Variants in OR4D1 observed in about 807,000 individuals in gnomAD.
OR4D1 encodes the protein olfactory receptor family 4 subfamily D member 1.
OR4D1 carries 10 observed loss-of-function variants against 14.2 expected under a neutral mutation model. The ratio of observed to expected loss-of-function variants is 0.71; its 90% CI spans 0.44 to 1.20. OR4D1 has a LOEUF of 1.20. OR4D1 is among the 50% of genes most tolerant of loss of function. OR4D1 has a pLI of 0.00. For synonymous variants in OR4D1, 141 were observed against 147.4 expected (o/e 0.96, Z 0.32); for missense variants, 345 against 376.6 (o/e 0.92, Z 0.70).
chr17:58,153,462 G>A (rs1967726122), intron 2 of OR4D1, among the ~76,000 whole-genome samples: 2 of 152,206 alleles, frequency 1.3e-5, no homozygotes, highest in Admixed American at 1.3e-4. Context: ...AATTTTATGT[G>A]AAGAATAATA....
At position 58,153,876 on chromosome 17, in the gene OR4D1, G is replaced by A. The variant is rs1398021423; in HGVS notation, c.-107G>A. Among the ~76,000 whole-genome samples, 1 of 152,166 alleles carries A rather than the reference G, an allele frequency of 6.6e-6. No homozygotes were observed. The highest frequency in any genetic ancestry group is 2.4e-5 in the African/African-American group (1 of 41,418). On this transcript the variant is annotated 5_prime_UTR_variant, in exon 3 of 4. Coordinates refer to ENST00000268912, the MANE Select transcript of OR4D1 (RefSeq NM_001386095.1). ...TTTTAGAGATAAGATCAGCTGGAGT[G>A]CAGTGGCCATAATAGCTCACTGCAG...
rs1967813656 is a variant in OR4D1 at position 58,158,788 on chromosome 17, G to C, written c.*2702G>C. On this transcript the variant is annotated 3_prime_UTR_variant, in exon 4 of 4. Transcript: ENST00000268912. ...CATTACCTGTATGCTAAATATTCTTGAACAATTGGTAGATCCAGAAAGAAA... is the reference window on the plus strand; with the variant it reads ...CATTACCTGTATGCTAAATATTCTTCAACAATTGGTAGATCCAGAAAGAAA... The C allele has an allele frequency of 6.6e-6, 1 of 152,220 alleles. No individual in the cohort carries two copies. The highest frequency in any genetic ancestry group is 1.9e-4 in the East Asian group (1 of 5,196). The allele number at this position is 152,220 out of a possible 1,614,324, so 9.4% of individuals were successfully genotyped here.
chr17:58,157,244 G>T lies in OR4D1; in HGVS notation c.*1158G>T. ...CCACCCTGCGGCTACTGCTGCTGCC[G>T]GGGCACGGCGCTCGGGAAGCGCACA... On this transcript the variant is annotated 3_prime_UTR_variant, in exon 4 of 4. Coordinates refer to ENST00000268912, the MANE Select transcript of OR4D1 (RefSeq NM_001386095.1). The T allele has an allele frequency of 6.8e-7, 1 of 1,465,194 alleles. No individual in the cohort carries two copies. Among genetic ancestry groups the T allele is most frequent in the Non-Finnish European group, 9.0e-7 (1 of 1,110,210 alleles). The allele number at this position is 1,465,194 out of a possible 1,614,324, so 90.8% of individuals were successfully genotyped here. A position where few individuals can be genotyped will look rare whatever the true frequency, so the allele number is the denominator to read the frequency against.
At chr17:58,155,095 T>G in intron 3 of OR4D1, 40 bp from the exon 4 acceptor site, 1 of 1,309,028 alleles carries the variant, frequency 7.6e-7, no homozygotes, top group Non-Finnish European at 1.0e-6. Context: ...GAATTTTCAT[T>G]TTTTTTGTTT....
At position 58,157,164 on chromosome 17, in the gene OR4D1, A is replaced by C; in HGVS notation, c.*1078A>C. The C allele has an allele frequency of 6.8e-7, 1 of 1,463,056 alleles. No individual in the cohort carries two copies. The highest frequency in any genetic ancestry group is 1.4e-5 in the African/African-American group (1 of 70,666). The allele number at this position is 1,463,056 out of a possible 1,614,324, so 90.6% of individuals were successfully genotyped here. A position where few individuals can be genotyped will look rare whatever the true frequency, so the allele number is the denominator to read the frequency against. Reference sequence around the variant, plus strand: ...CAGTGTGGATGCGCTCGTGTCGGACAAGAAGCCGCCCAAGGAGGCATCCCC... The same window carrying C: ...CAGTGTGGATGCGCTCGTGTCGGACCAGAAGCCGCCCAAGGAGGCATCCCC... On this transcript the variant is annotated 3_prime_UTR_variant, in exon 4 of 4. Transcript: ENST00000268912.
At position 58,156,040 on chromosome 17, in the gene OR4D1, C is replaced by T. The variant is rs554299755; in HGVS notation, c.887C>T (p.Ala296Val). The T allele has an allele frequency of 1.2e-6, 2 of 1,613,570 alleles. No individual in the cohort carries two copies. The highest frequency in any genetic ancestry group is 1.1e-5 in the South Asian group (1 of 90,992). The change falls in exon 4 of 4, where the codon GCA (alanine) becomes GTA (valine). Residue 296 changes from alanine to valine, a missense_variant. Coordinates refer to ENST00000268912, the MANE Select transcript of OR4D1 (RefSeq NM_001386095.1). Reference protein sequence around the residue: ...IYTLRNQDMKAAMRRLGKCLV... With the variant: ...IYTLRNQDMKVAMRRLGKCLV... ...ACCCTGAGAAACCAGGACATGAAAG[C>T]AGCCATGAGGAGATTAGGCAAGTGC...
Position 58,155,539 on chromosome 17 carries a change from C to T in OR4D1, c.386C>T (p.Pro129Leu). ...AYDRYIAISQ[P>L]LRYVTIMNTQ... is the part of the protein sequence containing the mutation. ...GACCGCTACATAGCCATCTCCCAGCCCCTCCGGTATGTCACCATCATGAAC... is the reference window on the plus strand; with the variant it reads ...GACCGCTACATAGCCATCTCCCAGCTCCTCCGGTATGTCACCATCATGAAC... The change falls in exon 4 of 4, where the codon CCC (proline) becomes CTC (leucine). Residue 129 changes from proline to leucine, a missense_variant. By Grantham distance (98) the Pro-to-Leu change is moderately conservative. Coordinates refer to ENST00000268912, the MANE Select transcript of OR4D1 (RefSeq NM_001386095.1). The T allele has an allele frequency of 6.2e-7, 1 of 1,614,166 alleles. No individual in the cohort carries two copies. The highest frequency in any genetic ancestry group is 8.5e-7 in the Non-Finnish European group (1 of 1,180,024).
chr17:58,148,963 T>C (rs879917321), intron 1 of OR4D1, among the ~76,000 whole-genome samples: 15 of 152,156 alleles, frequency 9.9e-5, no homozygotes, highest in Non-Finnish European at 4.4e-5. Context: ...TGTCCCTCCA[T>C]CTTATCCTCT....
intron 2 of OR4D1, among the ~76,000 whole-genome samples, chr17:58,151,027 A>G (rs925419687): frequency 6.6e-6 from 1 of 152,212 alleles, no homozygotes; most frequent in Non-Finnish European, 1.5e-5. Context: ...AAAGAAGAGA[A>G]AATATATGTT....
chr17:58,154,580 T>G (rs1967741493), intron 3 of OR4D1, among the ~76,000 whole-genome samples: 2 of 152,182 alleles, frequency 1.3e-5, no homozygotes, highest in South Asian at 2.1e-4. Context: ...TTCTTCACAT[T>G]TACCTCTGAT....
In OR4D1 at chr17:58,157,402, C is replaced by A; in HGVS notation, c.*1316C>A. The stretch of plus-strand genomic sequence containing the variant: ...CAAGACACGTGAGCCCTACCACCTG[C>A]ACCCTGAGAAAACACAAGACCAATC... On this transcript the variant is annotated 3_prime_UTR_variant, in exon 4 of 4. Transcript: ENST00000268912. 2 of 1,199,246 alleles carry A rather than the reference C, an allele frequency of 1.7e-6. No individual in the cohort carries two copies. The highest frequency in any genetic ancestry group is 2.4e-6 in the Non-Finnish European group (2 of 822,240). 74.3% of individuals were successfully genotyped at this position (1,199,246 alleles called of 1,614,324 possible).
chr17:58,156,976 C>A lies in OR4D1; in HGVS notation c.*890C>A. On this transcript the variant is annotated 3_prime_UTR_variant, in exon 4 of 4. Transcript: ENST00000268912. ...AAGTTTGAGTCGCCGCTGCGGGTTG[C>A]TAGCGGAGTCGCGCGTCGGGAGCTA... 1.4e-6 allele frequency: 1 copy of A among 723,508 alleles called. No individual in the cohort carries two copies. 44.8% of individuals were successfully genotyped at this position (723,508 alleles called of 1,614,324 possible).
At position 58,155,265 on chromosome 17, in the gene OR4D1, A is replaced by G; in HGVS notation, c.112A>G (p.Thr38Ala). The change falls in exon 4 of 4, where the codon ACC (threonine) becomes GCC (alanine). Residue 38 changes from threonine to alanine, a missense_variant. Coordinates refer to ENST00000268912, the MANE Select transcript of OR4D1 (RefSeq NM_001386095.1). ...FLLFLLVYVT[T>A]IVGNLLIMVT... ...TCTGTTCCTGTTAGTCTATGTTACC[A>G]CCATTGTGGGAAACCTCCTTATCAT... 1 of 1,614,022 alleles carries G rather than the reference A, an allele frequency of 6.2e-7. No homozygotes were observed. Among genetic ancestry groups the G allele is most frequent in the South Asian group, 1.1e-5 (1 of 91,070 alleles).
Position 58,155,426 on chromosome 17 carries a change from G to A in OR4D1, c.273G>A (p.Thr91=), listed in dbSNP as rs17222013. 28 of 1,614,150 alleles carry A rather than the reference G, an allele frequency of 1.7e-5. No homozygotes were observed. Among genetic ancestry groups the A allele is most frequent in the South Asian group, 6.6e-5 (6 of 91,068 alleles). Residue 91 remains threonine (T), a synonymous_variant, in exon 4 of 4, where the codon ACG becomes ACA. Coordinates refer to ENST00000268912, the MANE Select transcript of OR4D1 (RefSeq NM_001386095.1). ...TGGACTTCCTCCATGAGACCAAGACGATCTCCTACCAGGGCTGCATGGCCC... is the reference window on the plus strand; with the variant it reads ...TGGACTTCCTCCATGAGACCAAGACAATCTCCTACCAGGGCTGCATGGCCC... The part of the protein sequence containing the change: ...MLVDFLHETK[T]ISYQGCMAQI...
At chr17:58,154,729 T>C (rs1035363647) in intron 3 of OR4D1, among the ~76,000 whole-genome samples, 1 of 152,262 alleles carries the variant, frequency 6.6e-6, no homozygotes, top group African/African-American at 2.4e-5. Flanking sequence ...TCAAGATTTA[T>C]GCACATAGGT....
Position 58,157,788 on chromosome 17 carries a change from T to G in OR4D1, c.*1702T>G. The stretch of plus-strand genomic sequence containing the variant: ...TATGCCACGCCAGTGGGATATGGCA[T>G]GTACCACCTGTCCTAAGGAAGACCA... On this transcript the variant is annotated 3_prime_UTR_variant, in exon 4 of 4. Coordinates refer to ENST00000268912, the MANE Select transcript of OR4D1 (RefSeq NM_001386095.1). 2 of 1,608,734 alleles carry G rather than the reference T, an allele frequency of 1.2e-6. No homozygotes were observed. The highest frequency in any genetic ancestry group is 1.7e-6 in the Non-Finnish European group (2 of 1,179,446).
chr17:58,157,318 A>G lies in OR4D1; in HGVS notation c.*1232A>G. 1 of 1,497,304 alleles carries G rather than the reference A, an allele frequency of 6.7e-7. No homozygotes were observed. Among genetic ancestry groups the G allele is most frequent in the Non-Finnish European group, 9.0e-7 (1 of 1,113,216 alleles). The allele number at this position is 1,497,304 out of a possible 1,614,324, so 92.8% of individuals were successfully genotyped here. ...TTCGAGACCGCCTCGGTCAAGTGGG[A>G]AAACTCCCTAAGACGGAGCGGCGTG... On this transcript the variant is annotated 3_prime_UTR_variant, in exon 4 of 4. Transcript: ENST00000268912.
At position 58,156,245 on chromosome 17, in the gene OR4D1, G is replaced by A. The variant is rs988697307; in HGVS notation, c.*159G>A. On this transcript the variant is annotated 3_prime_UTR_variant, in exon 4 of 4. Transcript: ENST00000268912. ...CAAGTACTGTGTTAAGCACTTCCAC[G>A]CTTTTTTTCTTTTTTTTTTTTTTTA... 2.7e-5 allele frequency: 16 copies of A among 590,814 alleles called. No individual in the cohort carries two copies. Among genetic ancestry groups the A allele is most frequent in the Non-Finnish European group, 4.6e-5 (16 of 345,636 alleles). The allele number at this position is 590,814 out of a possible 1,614,324, so 36.6% of individuals were successfully genotyped here.
chr17:58,158,035 A>G lies in OR4D1; in HGVS notation c.*1949A>G, dbSNP rs1380315715. On this transcript the variant is annotated 3_prime_UTR_variant, in exon 4 of 4. Coordinates refer to ENST00000268912, the MANE Select transcript of OR4D1 (RefSeq NM_001386095.1). ...TCCAGGTGCCCCCTTCTCCTTTCAC[A>G]AAGATTGGCTCTGATGGTTTTTATG... is the stretch of plus-strand genomic sequence containing the variant. 1 of 348,488 alleles carries G rather than the reference A, an allele frequency of 2.9e-6. No individual in the cohort carries two copies. Among genetic ancestry groups the G allele is most frequent in the African/African-American group, 2.1e-5 (1 of 48,442 alleles). The allele number at this position is 348,488 out of a possible 1,614,324, so 21.6% of individuals were successfully genotyped here.
Sources: allele counts gnomAD v4.1 joint callset (sites outside exome capture counted in the v4.1 genomes callset), GRCh38; gene constraint gnomAD v4.1.1; transcripts MANE v1.5; gene names NCBI Gene and HGNC (gene_info 2026-07-23, HGNC 2026-07-21).